AKT2: variants seen among roughly 807,000 people sequenced by gnomAD.
AKT2 encodes the protein RAC-beta serine/threonine-protein kinase.
A neutral mutation model predicts 58.6 loss-of-function variants in AKT2; 16 were observed. The observed-to-expected ratio is 0.27, with a 90% confidence interval of 0.18 to 0.41. The LOEUF is 0.41. AKT2 is among the 10% of genes least tolerant of loss of function. The pLI is 1.00. For missense variants in AKT2, 438 were observed against 661.0 expected (o/e 0.66, Z 3.70); for synonymous variants, 253 against 254.0 (o/e 1.00, Z 0.04).
chr19:40,267,255 G>C (rs1483361099), intron 1 of AKT2, among the ~76,000 whole-genome samples: 2 of 152,158 alleles, frequency 1.3e-5, no homozygotes, highest in Non-Finnish European at 2.9e-5. Flanking sequence ...GAGGATCCAA[G>C]GCCCTTCAGG....
At chr19:40,275,764 T>TGGGGGGGGGG (rs1004974778) in intron 1 of AKT2, among the ~76,000 whole-genome samples, 5 of 4,740 alleles carry the variant, frequency 1.1e-3, no homozygotes, top group Non-Finnish European at 1.4e-3. Flanking sequence ...TTTGGGAGGC[T>TGGGGGGGGGG]GGGGGGGGGG....
At chr19:40,258,684 A>G (rs1975728793) in intron 2 of AKT2, among the ~76,000 whole-genome samples, 1 of 151,986 alleles carries the variant, frequency 6.6e-6, no homozygotes, top group African/African-American at 2.4e-5. Flanking sequence ...GCATTTACAA[A>G]AGCCTCCAAA....
rs114771930 is a variant in AKT2, at chr19:40,264,688, C to G, written c.46+534G>C. On this transcript the variant is annotated intron_variant, in intron 2 of 13. Coordinates refer to ENST00000392038, the MANE Select transcript of AKT2 (RefSeq NM_001626.6). ...CAGGCTCCAGGCCTCTGACCACTGC[C>G]GTCTCCTCCGGGCAGCCTCTTGATG... 9.9e-3 allele frequency among the ~76,000 whole-genome samples: 1,505 copies of G among 152,210 alleles called. 13 individuals carry two copies. The highest frequency in any genetic ancestry group is 0.034 in the African/African-American group (1,419 of 41,520).
intron 7 of AKT2, chr19:40,239,299 GTGA>G: frequency 3.4e-6 from 1 of 291,700 alleles, no homozygotes; most frequent in Non-Finnish European, 6.5e-6. Flanking sequence ...ACACACACAA[GTGA>G]TGTCTGCTGT....
chr19:40,260,106 C>G (rs1229572777), intron 2 of AKT2, among the ~76,000 whole-genome samples: 6 of 151,850 alleles, frequency 4.0e-5, no homozygotes, highest in African/African-American at 1.2e-4. Context: ...GAGCTGAGAT[C>G]GTGCCACTGC....
intron 4 of AKT2, among the ~76,000 whole-genome samples, chr19:40,249,988 G>A (rs1422847614): frequency 1.3e-5 from 2 of 152,158 alleles, no homozygotes; most frequent in South Asian, 2.1e-4. Context: ...TTAGACAAAC[G>A]CGACAGCAAG....
intron 2 of AKT2, among the ~76,000 whole-genome samples, chr19:40,263,451 C>A (rs1976108129): frequency 6.6e-6 from 1 of 152,182 alleles, no homozygotes; most frequent in South Asian, 2.1e-4. Context: ...GCTTGTTAAC[C>A]CACTTTATAG....
At position 40,232,872 on chromosome 19, in the gene AKT2, GA is replaced by G. The variant is rs1263705610; in HGVS notation, c.*999del. On this transcript the variant is annotated 3_prime_UTR_variant, in exon 14 of 14. Coordinates refer to ENST00000392038, the MANE Select transcript of AKT2 (RefSeq NM_001626.6). ...TGGGGCCCTGGGGAGAGGGAGGGGTGAGGGGGGCCTAGGAGCCTCCCTTTTC... is the reference window on the plus strand; with the variant it reads ...TGGGGCCCTGGGGAGAGGGAGGGGTGGGGGGGCCTAGGAGCCTCCCTTTTC... The G allele has an allele frequency of 1.7e-5, 4 of 236,984 alleles. No individual in the cohort carries two copies. Among genetic ancestry groups the G allele is most frequent in the African/African-American group, 4.4e-5 (2 of 45,454 alleles). 14.7% of individuals were successfully genotyped at this position (236,984 alleles called of 1,614,324 possible).
In AKT2 at chr19:40,237,903, TC is replaced by T; in HGVS notation, c.831+65del. 1 of 1,602,806 alleles carries T rather than the reference TC, an allele frequency of 6.2e-7. No homozygotes were observed. The highest frequency in any genetic ancestry group is 1.3e-5 in the African/African-American group (1 of 74,828). On this transcript the variant is annotated intron_variant, in intron 9 of 13. Transcript: ENST00000392038. This position sits in a 1 kb window ranked among gnomAD's most constrained non-coding sequence, Gnocchi z 4.5. ...ATGAGGGCAGAAGCTCAGCCCAACT[TC>T]CCCAGTGTGAGTCCCATGTGGTGTG...
chr19:40,246,150 C>T (rs1054080150), intron 4 of AKT2, among the ~76,000 whole-genome samples: 11 of 150,426 alleles, frequency 7.3e-5, no homozygotes, highest in African/African-American at 2.0e-4. Context: ...CCATGACAGG[C>T]TTTTTTCTTT....
At chr19:40,274,890 C>G in intron 1 of AKT2, 1 of 359,582 alleles carries the variant, frequency 2.8e-6, no homozygotes, top group South Asian at 2.0e-5. Context: ...CTGAGGCGAG[C>G]TGGGGAGTGG....
chr19:40,240,518 A>G (rs1026472697), intron 6 of AKT2, among the ~76,000 whole-genome samples: 2 of 152,242 alleles, frequency 1.3e-5, no homozygotes, highest in Non-Finnish European at 2.9e-5. Flanking sequence ...ACAGCACCTC[A>G]GCACCGCCTG....
At chr19:40,282,621 G>A (rs1287003949) in intron 1 of AKT2, 2 of 460,062 alleles carry the variant, frequency 4.3e-6, no homozygotes, top group African/African-American at 4.0e-5. Flanking sequence ...TCTATCCTAT[G>A]TCTTTCCTTC....
intron 1 of AKT2, among the ~76,000 whole-genome samples, chr19:40,283,339 T>C (rs577727334): frequency 6.6e-6 from 1 of 152,238 alleles, no homozygotes; most frequent in African/African-American, 2.4e-5. Flanking sequence ...TCACTGCCAC[T>C]GTTAGCCCCA....
chr19:40,245,490 G>A (rs745717726), intron 4 of AKT2, among the ~76,000 whole-genome samples: 13 of 152,164 alleles, frequency 8.5e-5, no homozygotes, highest in South Asian at 6.2e-4. Flanking sequence ...ATCTCCAGAA[G>A]AGAAGTCATG....
Position 40,236,335 on chromosome 19 carries a change from A to G in AKT2, c.882T>C (p.Phe294=). Residue 294 remains phenylalanine (F), a synonymous_variant, in exon 10 of 14, where the codon TTT becomes TTC. Transcript: ENST00000392038. ...CACTGATGCCCTCTTTGCAGAGGCC[A>G]AAGTCAGTGATCTTGATGTGGCCAT... ...DKDGHIKITD[F]GLCKEGISDG... is the part of the protein sequence containing the mutation. 13 of 1,614,192 alleles carry G rather than the reference A, an allele frequency of 8.1e-6. No homozygotes were observed. Among genetic ancestry groups the G allele is most frequent in the Non-Finnish European group, 1.1e-5 (13 of 1,180,026 alleles).
intron 1 of AKT2, chr19:40,270,655 C>A (rs532707533): frequency 3.3e-5 from 5 of 152,232 alleles, no homozygotes; most frequent in Admixed American, 1.3e-4. Context: ...GCCTCTGTCG[C>A]CTGCACTCAG....
intron 4 of AKT2, among the ~76,000 whole-genome samples, chr19:40,246,300 ATT>A (rs1054879536): frequency 1.3e-5 from 2 of 151,982 alleles, no homozygotes; most frequent in African/African-American, 4.8e-5. Flanking sequence ...TAATTTTTGT[ATT>A]TTTAGTAGAG....
intron 1 of AKT2, 96 bp from the exon 2 acceptor site, chr19:40,265,447 G>A (rs1976280738): frequency 2.0e-6 from 3 of 1,474,898 alleles, no homozygotes; most frequent in Non-Finnish European, 2.7e-6. Context: ...TGGCTGTTCT[G>A]CCCACTCAGC....
Sources: gnomAD v4.1 joint callset for allele counts (sites outside exome capture counted in the v4.1 genomes callset) on GRCh38, gnomAD v4.1.1 for gene constraint, Gnocchi (gnomAD v3.1) non-coding constraint, MANE v1.5 for transcripts, NCBI Gene and HGNC (gene_info 2026-07-23, HGNC 2026-07-21) for gene names.